ARHGAP15: variants seen among roughly 807,000 people sequenced by gnomAD.
ARHGAP15 encodes rho GTPase-activating protein 15.
In ARHGAP15, 51 loss-of-function variants were observed where a neutral mutation model predicts 63.7. The observed-to-expected ratio is 0.80, with a 90% CI of 0.64 to 1.01. The LOEUF is 1.01. Ranked by LOEUF, ARHGAP15 falls within the 50% of genes least tolerant of loss-of-function variation. The pLI, the probability that ARHGAP15 is intolerant of heterozygous loss-of-function variation, is 0.00. For synonymous variants in ARHGAP15, 191 were observed against 193.8 expected (o/e 0.99, Z 0.12); for missense variants, 560 against 564.6 (o/e 0.99, Z 0.08).
chr2:143,343,945 A>G (rs553943236), intron 6 of ARHGAP15: 6 of 152,170 alleles, frequency 3.9e-5, no homozygotes, highest in African/African-American at 1.2e-4. Flanking sequence ...TTGATTTGCT[A>G]CAAATCAGGT....
chr2:143,595,266 C>G (rs1697467725), intron 11 of ARHGAP15, among the ~76,000 whole-genome samples: 1 of 152,048 alleles, frequency 6.6e-6, no homozygotes, highest in Non-Finnish European at 1.5e-5. Flanking sequence ...CTGACTTGAC[C>G]AGATATTAAA....
chr2:143,359,683 T>C (rs1341456489), intron 6 of ARHGAP15, among the ~76,000 whole-genome samples: 2 of 152,198 alleles, frequency 1.3e-5, no homozygotes, highest in East Asian at 3.9e-4. Flanking sequence ...AAAGGAGATA[T>C]AAGAACAAAA....
At chr2:143,582,932 G>A (rs1696968110) in intron 11 of ARHGAP15, among the ~76,000 whole-genome samples, 1 of 152,146 alleles carries the variant, frequency 6.6e-6, no homozygotes. Context: ...ACCAAGAACT[G>A]GCTCAGGTTG....
rs143812629 is a variant in ARHGAP15, at chr2:143,296,146, G to A, written c.474+45546G>A. ...ATTTCATCCCTCCCTCAAATCAAGGGATGAGCCCCTGGAGGACAGCGAGTG... is the reference window on the plus strand; with the variant it reads ...ATTTCATCCCTCCCTCAAATCAAGGAATGAGCCCCTGGAGGACAGCGAGTG... On this transcript the variant is annotated intron_variant, in intron 6 of 13. Transcript: ENST00000295095. 3.6e-3 allele frequency among the ~76,000 whole-genome samples: 541 copies of A among 152,044 alleles called. 1 individual carries two copies. Among genetic ancestry groups the A allele is most frequent in the Middle Eastern group, 0.014 (4 of 294 alleles).
intron 6 of ARHGAP15, among the ~76,000 whole-genome samples, chr2:143,385,687 A>G (rs1687256563): frequency 6.6e-6 from 1 of 152,186 alleles, no homozygotes; most frequent in Admixed American, 6.5e-5. Flanking sequence ...ACTCTCAGAT[A>G]TCAAGCTAGT....
intron 6 of ARHGAP15, among the ~76,000 whole-genome samples, chr2:143,267,986 T>A (rs960780240): frequency 1.1e-4 from 17 of 152,064 alleles, no homozygotes; most frequent in African/African-American, 4.1e-4. Flanking sequence ...AACCCCACAT[T>A]TTGCTTGGGA....
intron 6 of ARHGAP15, among the ~76,000 whole-genome samples, chr2:143,346,134 G>A (rs933712754): frequency 2.0e-5 from 3 of 151,148 alleles, no homozygotes; most frequent in Non-Finnish European, 4.4e-5. Context: ...CCACGATACA[G>A]TCATGTCCTG....
chr2:143,673,750 GTGTGTGTGTATATATATATA>G (rs1174078114), intron 12 of ARHGAP15, among the ~76,000 whole-genome samples: 1 of 34,660 alleles, frequency 2.9e-5, no homozygotes, highest in East Asian at 1.9e-3. Flanking sequence ...GTGTGTGTGT[GTGTGTGTGTATATATATATA>G]TATATATATA....
At chr2:143,486,580 G>A (rs1692334370) in intron 8 of ARHGAP15, among the ~76,000 whole-genome samples, 1 of 151,870 alleles carries the variant, frequency 6.6e-6, no homozygotes, top group South Asian at 2.1e-4. Flanking sequence ...ATAAGAGGAG[G>A]AGGAGGAAGA....
chr2:143,737,384 C>T (rs1309329229), intron 13 of ARHGAP15, among the ~76,000 whole-genome samples: 3 of 152,170 alleles, frequency 2.0e-5, no homozygotes, highest in African/African-American at 4.8e-5. Context: ...TGTAAACATG[C>T]CTTATAGAAT....
At chr2:143,748,809 A>G (rs1310275305) in intron 13 of ARHGAP15, among the ~76,000 whole-genome samples, 5 of 152,222 alleles carry the variant, frequency 3.3e-5, no homozygotes, top group African/African-American at 1.2e-4. Flanking sequence ...AGCCTGCTGC[A>G]TATACCATAG....
chr2:143,634,747 G>A (rs568731188), intron 12 of ARHGAP15, among the ~76,000 whole-genome samples: 5 of 151,988 alleles, frequency 3.3e-5, no homozygotes, highest in East Asian at 1.9e-4. Flanking sequence ...CTCTTGCTTC[G>A]TGACCCAGGG....
At chr2:143,302,637 ACT>A (rs1343313346) in intron 6 of ARHGAP15, among the ~76,000 whole-genome samples, 1 of 151,948 alleles carries the variant, frequency 6.6e-6, no homozygotes, top group African/African-American at 2.4e-5. Flanking sequence ...TTTGTAGATG[ACT>A]CTAAATTCTC....
intron 2 of ARHGAP15, among the ~76,000 whole-genome samples, chr2:143,195,448 T>A: frequency 6.6e-6 from 1 of 152,182 alleles, no homozygotes; most frequent in East Asian, 1.9e-4. Flanking sequence ...GGATAAATTT[T>A]ACATGTGTCC....
At chr2:143,181,670 G>A (rs969860576) in intron 2 of ARHGAP15, among the ~76,000 whole-genome samples, 29 of 152,224 alleles carry the variant, frequency 1.9e-4, no homozygotes, top group Admixed American at 1.8e-3. Flanking sequence ...AGGAATTGAA[G>A]AGGGTTAGGG....
At chr2:143,138,846 A>G (rs533709256) in intron 1 of ARHGAP15, among the ~76,000 whole-genome samples, 1 of 152,290 alleles carries the variant, frequency 6.6e-6, no homozygotes, top group East Asian at 1.9e-4. Flanking sequence ...TTGGCATTTA[A>G]TCATGCTCCA....
intron 6 of ARHGAP15, among the ~76,000 whole-genome samples, chr2:143,307,966 G>A (rs1403131024): frequency 6.6e-6 from 1 of 152,018 alleles, no homozygotes; most frequent in Non-Finnish European, 1.5e-5. Context: ...ACAGCACACA[G>A]TTTTATACCT....
chr2:143,408,097 T>C (rs1049067612), intron 6 of ARHGAP15, among the ~76,000 whole-genome samples: 3 of 146,180 alleles, frequency 2.1e-5, no homozygotes, highest in African/African-American at 7.4e-5. Flanking sequence ...TGCCTGTGCC[T>C]GAGCCCCACA....
intron 12 of ARHGAP15, among the ~76,000 whole-genome samples, chr2:143,656,390 T>C (rs1681434512): frequency 6.6e-6 from 1 of 152,228 alleles, no homozygotes; most frequent in Non-Finnish European, 1.5e-5. Context: ...ATCTAAACAC[T>C]TGGGCAGTCT....
Sources: allele counts gnomAD v4.1 joint callset (sites outside exome capture counted in the v4.1 genomes callset), GRCh38; gene constraint gnomAD v4.1.1; transcripts MANE v1.5; gene names NCBI Gene and HGNC (gene_info 2026-07-23, HGNC 2026-07-21).